The following SLC37A3 variants were observed in gnomAD, a reference collection of about 807,000 sequenced individuals.
The protein encoded by SLC37A3 is sugar phosphate exchanger 3.
Under a neutral mutation model 67.1 loss-of-function variants are expected in SLC37A3, and 51 were observed. The ratio of observed to expected loss-of-function variants is 0.76; its 90% CI spans 0.61 to 0.96. The LOEUF is 0.96. SLC37A3 is among the 40% of genes least tolerant of loss of function. SLC37A3 has a pLI of 0.00. For missense variants in SLC37A3, 508 were observed against 603.0 expected, an observed-to-expected ratio of 0.84 and a Z score of 1.65; for synonymous variants, 214 against 231.4, an observed-to-expected ratio of 0.92 and a Z score of 0.68.
chr7:140,395,379 T>TAA (rs35674101), intron 1 of SLC37A3, among the ~76,000 whole-genome samples: 43 of 77,792 alleles, frequency 5.5e-4, no homozygotes, highest in Non-Finnish European at 7.4e-4. Context: ...CATCTCAAAT[T>TAA]AAAAAAAAAA....
At position 140,335,127 on chromosome 7, in the gene SLC37A3, AC is replaced by A. The variant is rs890117429; in HGVS notation, c.*284del. 1.7e-5 allele frequency: 20 copies of A among 1,205,502 alleles called. No individual in the cohort carries two copies. Among genetic ancestry groups the A allele is most frequent in the Non-Finnish European group, 2.2e-5 (19 of 874,296 alleles). 74.7% of individuals were successfully genotyped at this position (1,205,502 alleles called of 1,614,324 possible). A position where few individuals can be genotyped will look rare whatever the true frequency, so the allele number is the denominator to read the frequency against. On this transcript the variant is annotated 3_prime_UTR_variant, in exon 15 of 15. Coordinates refer to ENST00000326232, the MANE Select transcript of SLC37A3 (RefSeq NM_207113.3). ...AAAACGCTAAACCTCAATAGGCCAA[AC>A]AAAGACGCGGGCAGAGTCAGAGGTC...
chr7:140,365,300 A>G (rs912569496), intron 4 of SLC37A3, among the ~76,000 whole-genome samples: 30 of 152,290 alleles, frequency 2.0e-4, no homozygotes, highest in African/African-American at 6.5e-4. Context: ...TAAATTGACT[A>G]TCTCTAAAAC....
Position 140,364,549 on chromosome 7 carries a change from A to G in SLC37A3, c.292-58T>C. 2.7e-6 allele frequency: 4 copies of G among 1,485,986 alleles called. No individual in the cohort carries two copies. In the East Asian group the frequency reaches 9.2e-5, roughly 34 times the overall value. 92.1% of individuals were successfully genotyped at this position (1,485,986 alleles called of 1,614,324 possible). On this transcript the variant is annotated intron_variant, in intron 4 of 14. Coordinates refer to ENST00000326232, the MANE Select transcript of SLC37A3 (RefSeq NM_207113.3). ...AATAATAACACAGTATGAAAAAGTA[A>G]CATGCACTGCAAAGCAAATGAGACA...
chr7:140,353,152 G>A (rs1374324638), intron 7 of SLC37A3, among the ~76,000 whole-genome samples: 1 of 151,930 alleles, frequency 6.6e-6, no homozygotes, highest in Non-Finnish European at 1.5e-5. Flanking sequence ...TTTTGAGTAG[G>A]TAATATATTC....
intron 10 of SLC37A3, 197 bp downstream of exon 10, chr7:140,348,429 A>G (rs1406327206): frequency 3.5e-6 from 2 of 563,672 alleles, no homozygotes; most frequent in Middle Eastern, 4.6e-4. Context: ...CTTCCTTTCT[A>G]TGGACCTCTT....
In SLC37A3 at chr7:140,335,028, C is replaced by T. The variant is rs990724278; in HGVS notation, c.*384G>A. The T allele has an allele frequency of 1.3e-5, 7 of 542,746 alleles. No homozygotes were observed. The highest frequency in any genetic ancestry group is 5.7e-5 in the African/African-American group (3 of 52,724). 33.6% of individuals were successfully genotyped at this position (542,746 alleles called of 1,614,324 possible). A position where few individuals can be genotyped will look rare whatever the true frequency, so the allele number is the denominator to read the frequency against. Reference sequence around the variant, plus strand: ...TGGAACATACCACCAACACAAACCACGCGTGGCTTTGCCTCCTGTTCACTC... The same window carrying T: ...TGGAACATACCACCAACACAAACCATGCGTGGCTTTGCCTCCTGTTCACTC... On this transcript the variant is annotated 3_prime_UTR_variant, in exon 15 of 15. Coordinates refer to ENST00000326232, the MANE Select transcript of SLC37A3 (RefSeq NM_207113.3).
chr7:140,364,869 A>G (rs555835236), intron 4 of SLC37A3, among the ~76,000 whole-genome samples: 3 of 152,208 alleles, frequency 2.0e-5, no homozygotes, highest in South Asian at 2.1e-4. Flanking sequence ...AAGCACACAA[A>G]TATACTTCAT....
intron 1 of SLC37A3, among the ~76,000 whole-genome samples, chr7:140,390,643 C>T (rs900889813): frequency 6.6e-6 from 1 of 152,128 alleles, no homozygotes; most frequent in Non-Finnish European, 1.5e-5. Flanking sequence ...ACCTCCATCC[C>T]CACCGCCAGG....
chr7:140,343,343 G>T, intron 13 of SLC37A3, 69 bp downstream of exon 13: 1 of 1,604,554 alleles, frequency 6.2e-7, no homozygotes, highest in East Asian at 2.2e-5. Flanking sequence ...GAGGCCCAGA[G>T]GGCAGGTTCA....
Position 140,343,553 on chromosome 7 carries a change from A to G in SLC37A3, c.1185T>C (p.Ile395=). The G allele has an allele frequency of 6.2e-7, 1 of 1,614,204 alleles. No homozygotes were observed. Among genetic ancestry groups the G allele is most frequent in the Non-Finnish European group, 8.5e-7 (1 of 1,180,018 alleles). ...ALLMTVTGFF[I]GGPSNMISSA... Reference sequence around the variant, plus strand: ...AACTAATCATATTAGAAGGTCCACCAATAAAAAATCCTGAAGTCATAAACA... The same window carrying G: ...AACTAATCATATTAGAAGGTCCACCGATAAAAAATCCTGAAGTCATAAACA... The change falls in exon 13 of 15, where the codon ATT becomes ATC. Residue 395 remains isoleucine (I), a synonymous_variant. Coordinates refer to ENST00000326232, the MANE Select transcript of SLC37A3 (RefSeq NM_207113.3).
intron 7 of SLC37A3, among the ~76,000 whole-genome samples, chr7:140,354,426 G>C (rs2117095362): frequency 6.6e-6 from 1 of 150,990 alleles, no homozygotes; most frequent in South Asian, 2.1e-4. Context: ...ATACAGTATA[G>C]TTTTTCTTCC....
At position 140,338,774 on chromosome 7, in the gene SLC37A3, T is replaced by C. The variant is rs1372566545; in HGVS notation, c.1327-1425A>G. On this transcript the variant is annotated intron_variant, in intron 13 of 14. Transcript: ENST00000326232. ...AGCGTGAGCCACTGCGCCCGGACTT[T>C]CTTTCTTTTTAAATGGAGTCTTGCT... Among the ~76,000 whole-genome samples, 7 of 149,338 alleles carry C rather than the reference T, an allele frequency of 4.7e-5. No homozygotes were observed. The South Asian group carries it at 1.5e-3, about 32-fold the overall frequency.
chr7:140,343,954 G>A (rs954538083), intron 12 of SLC37A3: 10 of 235,834 alleles, frequency 4.2e-5, no homozygotes, highest in African/African-American at 2.2e-4. Context: ...AAAGAGCAAA[G>A]AGGAAAAAGC....
intron 2 of SLC37A3, among the ~76,000 whole-genome samples, chr7:140,380,808 C>T (rs573094873): frequency 6.6e-6 from 1 of 152,146 alleles, no homozygotes; most frequent in South Asian, 2.1e-4. Context: ...TCTCAAACTC[C>T]TGGGCTCAAG....
chr7:140,363,919 T>C (rs1442274663), intron 5 of SLC37A3, among the ~76,000 whole-genome samples: 1 of 152,086 alleles, frequency 6.6e-6, no homozygotes, highest in East Asian at 1.9e-4. Context: ...ACTCTGCTGG[T>C]GCCTGAGGGA....
intron 2 of SLC37A3, 27 bp downstream of exon 2, chr7:140,382,411 G>A (rs758693535): frequency 1.6e-5 from 26 of 1,603,576 alleles, no homozygotes; most frequent in Admixed American, 3.4e-5. Flanking sequence ...AAAAAAAGCA[G>A]GAGAGCAGCT....
intron 1 of SLC37A3, among the ~76,000 whole-genome samples, chr7:140,394,517 G>T (rs911617215): frequency 1.3e-5 from 2 of 151,386 alleles, no homozygotes; most frequent in African/African-American, 2.4e-5. Context: ...ATCTACTTGG[G>T]AGGCTGAGGT....
At chr7:140,386,146 G>A (rs1214473107) in intron 1 of SLC37A3, among the ~76,000 whole-genome samples, 1 of 152,046 alleles carries the variant, frequency 6.6e-6, no homozygotes, top group Non-Finnish European at 1.5e-5. Flanking sequence ...CTGGAGTGCA[G>A]TGGCACAACC....
chr7:140,364,732 T>TA (rs201576524), intron 4 of SLC37A3, among the ~76,000 whole-genome samples: 1,599 of 144,048 alleles, frequency 0.011, 28 homozygotes, highest in African/African-American at 0.034. Context: ...AAAAAAATAT[T>TA]AAAAAAAAAA....
Sources: allele counts gnomAD v4.1 joint callset (sites outside exome capture counted in the v4.1 genomes callset), GRCh38; gene constraint gnomAD v4.1.1; transcripts MANE v1.5; gene names NCBI Gene and HGNC (gene_info 2026-07-23, HGNC 2026-07-21).